Variants in HOXD13 observed in about 807,000 individuals in gnomAD.
The protein encoded by HOXD13 is homeobox D13.
Under a neutral mutation model 27.3 loss-of-function variants are expected in HOXD13, and 16 were observed. That is an observed-to-expected ratio of 0.59 (90% confidence interval 0.40 to 0.89). The LOEUF (loss-of-function observed/expected upper bound fraction) is 0.89. Among genes scored for constraint, HOXD13 ranks in the 40% least tolerant of loss-of-function variants. HOXD13 has a pLI of 0.00. For missense variants in HOXD13, 481 were observed against 482.6 expected (o/e 1.00, Z 0.03); for synonymous variants, 241 against 219.0 (o/e 1.10, Z -0.89).
At chr2:176,093,805 A>C (rs1689370442) in intron 1 of HOXD13, 134 bp downstream of exon 1, 1 of 631,108 alleles carries the variant, frequency 1.6e-6, no homozygotes, top group Non-Finnish European at 2.7e-6. Flanking sequence ...GGGTTAACCC[A>C]GTGGAAATTT....
upstream of HOXD13, among the ~76,000 whole-genome samples, chr2:176,088,006 C>T (rs1012113128): frequency 6.6e-6 from 1 of 152,280 alleles, no homozygotes; most frequent in South Asian, 2.1e-4. Flanking sequence ...AAAGCCGTAG[C>T]TGCAGCGAAG....
chr2:176,093,290 G>C lies in HOXD13; in HGVS notation c.400G>C (p.Gly134Arg), dbSNP rs755758160. Residue 134 changes from glycine (G) to arginine (R), a missense_variant, in exon 1 of 2, where the codon GGC becomes CGC. Coordinates refer to ENST00000392539, the MANE Select transcript of HOXD13 (RefSeq NM_000523.4). ...ALGYGYHFGN[G>R]YYSCRMSHGV... is the part of the protein sequence containing the mutation. Reference sequence around the variant, plus strand: ...GGGCTACGGCTACCACTTCGGCAACGGCTACTACAGCTGCCGTATGTCGCA... The same window carrying C: ...GGGCTACGGCTACCACTTCGGCAACCGCTACTACAGCTGCCGTATGTCGCA... 8 of 1,610,974 alleles carry C rather than the reference G, an allele frequency of 5.0e-6. No homozygotes were observed. The highest frequency in any genetic ancestry group is 2.2e-5 in the South Asian group (2 of 91,048).
In HOXD13 at chr2:176,093,458, G is replaced by T. The variant is rs761102776; in HGVS notation, c.568G>T (p.Val190Leu). 1 of 1,614,076 alleles carries T rather than the reference G, an allele frequency of 6.2e-7. No homozygotes were observed. The highest frequency in any genetic ancestry group is 2.2e-5 in the East Asian group (1 of 44,862). Residue 190 changes from valine to leucine, a missense_variant, in exon 1 of 2, where the codon GTA (valine) becomes TTA (leucine). Val to Leu is a conservative substitution (Grantham distance 32, BLOSUM62 1). Coordinates refer to ENST00000392539, the MANE Select transcript of HOXD13 (RefSeq NM_000523.4). Reference protein sequence around the residue: ...ANEVPARAKEVSFYQGYTSPY... With the variant: ...ANEVPARAKELSFYQGYTSPY... The stretch of plus-strand genomic sequence containing the variant: ...CGAGGTGCCAGCGCGAGCCAAGGAG[G>T]TATCCTTCTACCAGGGCTATACGAG...
chr2:176,089,075 A>G (rs1289572001), upstream of HOXD13, among the ~76,000 whole-genome samples: 2 of 152,258 alleles, frequency 1.3e-5, no homozygotes, highest in Non-Finnish European at 2.9e-5. Context: ...AACGATTTTC[A>G]TTTGATAAAG....
Position 176,093,114 on chromosome 2 carries a change from C to A in HOXD13, c.224C>A (p.Ala75Glu). 1 of 1,573,544 alleles carries A rather than the reference C, an allele frequency of 6.4e-7. No homozygotes were observed. The highest frequency in any genetic ancestry group is 8.6e-7 in the Non-Finnish European group (1 of 1,166,586). Residue 75 changes from alanine to glutamate, a missense_variant, in exon 1 of 2, where the codon GCG becomes GAG. Ala to Glu is a moderately radical substitution (Grantham distance 107). Coordinates refer to ENST00000392539, the MANE Select transcript of HOXD13 (RefSeq NM_000523.4). ...AAAAAAASGFAYPGTSERTGS... is the reference protein window; with the variant it reads ...AAAAAAASGFEYPGTSERTGS... ...GCGGCGGCGGCAGCCTCCGGCTTTG[C>A]GTACCCCGGGACCTCTGAGCGCACG...
At chr2:176,089,988 C>T (rs546445993), upstream of HOXD13, among the ~76,000 whole-genome samples, 17 of 152,356 alleles carry the variant, frequency 1.1e-4, no homozygotes, top group South Asian at 3.5e-3. Context: ...AAGTTTAAAC[C>T]TGAATGAAAT....
In HOXD13 at chr2:176,093,110, T is replaced by C; in HGVS notation, c.220T>C (p.Phe74Leu). 6.4e-7 allele frequency: 1 copy of C among 1,562,280 alleles called. No homozygotes were observed. The highest frequency in any genetic ancestry group is 8.6e-7 in the Non-Finnish European group (1 of 1,162,354). ...GGCGGCGGCGGCGGCAGCCTCCGGC[T>C]TTGCGTACCCCGGGACCTCTGAGCG... ...AAAAAAAASG[F>L]AYPGTSERTG... is the part of the protein sequence containing the mutation. Residue 74 changes from phenylalanine (F) to leucine (L), a missense_variant, in exon 1 of 2, where the codon TTT (phenylalanine) becomes CTT (leucine). Transcript: ENST00000392539.
intron 1 of HOXD13, among the ~76,000 whole-genome samples, chr2:176,093,980 C>G (rs1263079144): frequency 6.6e-6 from 1 of 152,126 alleles, no homozygotes; most frequent in Non-Finnish European, 1.5e-5. Context: ...AGAACTTTTT[C>G]CTAAGAAACC....
Position 176,093,179 on chromosome 2 carries a change from G to C in HOXD13, c.289G>C (p.Ala97Pro). Residue 97 changes from alanine to proline, a missense_variant, in exon 1 of 2, where the codon GCG (alanine) becomes CCG (proline). Transcript: ENST00000392539. ...GTCGTCCTCTTCTGCCGTTGTAGCGGCGCGCCCGGAGGCTCCCCCAGCCAA... is the reference window on the plus strand; with the variant it reads ...GTCGTCCTCTTCTGCCGTTGTAGCGCCGCGCCCGGAGGCTCCCCCAGCCAA... ...SSSSSSAVVA[A>P]RPEAPPAKEC... 6.2e-7 allele frequency: 1 copy of C among 1,608,674 alleles called. No homozygotes were observed. Among genetic ancestry groups the C allele is most frequent in the Non-Finnish European group, 8.5e-7 (1 of 1,179,538 alleles).
Position 176,093,028 on chromosome 2 carries a change from G to A in HOXD13, c.138G>A (p.Ala46=). 7.2e-7 allele frequency: 1 copy of A among 1,383,334 alleles called. No individual in the cohort carries two copies. The highest frequency in any genetic ancestry group is 2.0e-4 in the Middle Eastern group (1 of 5,028). 85.7% of individuals were successfully genotyped at this position (1,383,334 alleles called of 1,614,324 possible). A position where few individuals can be genotyped will look rare whatever the true frequency, so the allele number is the denominator to read the frequency against. The stretch of plus-strand genomic sequence containing the variant: ...GCCAGTGCCGCGGCTTTCTCTCCGC[G>A]CCTGTGTTCGCCGGGACGCATTCGG... ...ASGQCRGFLS[A]PVFAGTHSGR... The change falls in exon 1 of 2, where the codon GCG becomes GCA. Residue 46 remains alanine, a synonymous_variant. Transcript: ENST00000392539.
Position 176,094,667 on chromosome 2 carries a change from G to A in HOXD13, c.969G>A (p.Trp323Ter). 1.2e-6 allele frequency: 2 copies of A among 1,613,934 alleles called. No individual in the cohort carries two copies. The highest frequency in any genetic ancestry group is 1.7e-6 in the Non-Finnish European group (2 of 1,179,818). The stretch of plus-strand genomic sequence containing the variant: ...TATCTGAGAGACAAGTGACCATTTG[G>A]TTTCAGAACCGAAGAGTGAAGGACA... ...TNLSERQVTI[W>*]FQNRRVKDKK... Residue 323 changes from tryptophan to a stop codon, truncating the protein, a stop_gained, in exon 2 of 2, where the codon TGG becomes TGA. Coordinates refer to ENST00000392539, the MANE Select transcript of HOXD13 (RefSeq NM_000523.4). LOFTEE classifies it high-confidence loss of function.
upstream of HOXD13, among the ~76,000 whole-genome samples, chr2:176,088,227 G>T (rs1176529888): frequency 2.0e-5 from 3 of 152,254 alleles, no homozygotes; most frequent in Admixed American, 6.5e-5. Flanking sequence ...ACGGGTGCAG[G>T]TTTCGCTGCA....
rs1574944057 is a variant in HOXD13, at chr2:176,094,980, T to C, written c.*250T>C. ...CCTAGGGTTTTTAAAATATCTGTTTTTAATGTTTTGTTTCTCCCTCCAGGC... is the reference window on the plus strand; with the variant it reads ...CCTAGGGTTTTTAAAATATCTGTTTCTAATGTTTTGTTTCTCCCTCCAGGC... On this transcript the variant is annotated 3_prime_UTR_variant, in exon 2 of 2. Transcript: ENST00000392539. 3 of 509,018 alleles carry C rather than the reference T, an allele frequency of 5.9e-6. No homozygotes were observed. The East Asian group carries it at 1.0e-4, about 17-fold the overall frequency. The allele number at this position is 509,018 out of a possible 1,614,324, so 31.5% of individuals were successfully genotyped here. A position where few individuals can be genotyped will look rare whatever the true frequency, so the allele number is the denominator to read the frequency against.
chr2:176,089,197 G>T (rs368748733), upstream of HOXD13, among the ~76,000 whole-genome samples: 1 of 151,092 alleles, frequency 6.6e-6, no homozygotes, highest in Admixed American at 6.6e-5. Context: ...CAATAGGTTT[G>T]GTTTGTTGTT....
chr2:176,088,860 C>T (rs1453022186), upstream of HOXD13, among the ~76,000 whole-genome samples: 1 of 152,192 alleles, frequency 6.6e-6, no homozygotes, highest in African/African-American at 2.4e-5. Flanking sequence ...GGGCCTCTGG[C>T]TCCTGCCCCA....
upstream of HOXD13, among the ~76,000 whole-genome samples, chr2:176,092,184 A>T (rs1689330061): frequency 2.0e-5 from 3 of 152,222 alleles, no homozygotes; most frequent in Non-Finnish European, 4.4e-5. Context: ...GTACCAGTGC[A>T]CAAGGTAGGG....
upstream of HOXD13, among the ~76,000 whole-genome samples, chr2:176,091,034 T>A (rs1689311140): frequency 6.6e-6 from 1 of 152,218 alleles, no homozygotes; most frequent in Non-Finnish European, 1.5e-5. Flanking sequence ...GTCTAGAACT[T>A]CAAAACGATG....
upstream of HOXD13, among the ~76,000 whole-genome samples, chr2:176,089,916 C>A (rs1689295344): frequency 6.6e-6 from 1 of 152,218 alleles, no homozygotes; most frequent in Non-Finnish European, 1.5e-5. Flanking sequence ...GCATAATGCA[C>A]CCACACACAA....
At position 176,092,746 on chromosome 2, in the gene HOXD13, G is replaced by A. The variant is rs947796619; in HGVS notation, c.-145G>A. ...GTTGGAGGGCAGGCGGGCCGGAGGC[G>A]GGAGGCTCACAGAGGGAGAGAGGGC... On this transcript the variant is annotated 5_prime_UTR_variant, in exon 1 of 2. Coordinates refer to ENST00000392539, the MANE Select transcript of HOXD13 (RefSeq NM_000523.4). The A allele has an allele frequency of 4.3e-6, 2 of 459,904 alleles. No individual in the cohort carries two copies. Among genetic ancestry groups the A allele is most frequent in the South Asian group, 1.1e-4 (1 of 9,066 alleles). 28.5% of individuals were successfully genotyped at this position (459,904 alleles called of 1,614,324 possible). A position where few individuals can be genotyped will look rare whatever the true frequency, so the allele number is the denominator to read the frequency against.
Sources: gnomAD v4.1 joint callset for allele counts (sites outside exome capture counted in the v4.1 genomes callset) on GRCh38, gnomAD v4.1.1 for gene constraint, MANE v1.5 for transcripts, NCBI Gene and HGNC (gene_info 2026-07-23, HGNC 2026-07-21) for gene names.